STPG2: variants seen among roughly 807,000 people sequenced by gnomAD.
STPG2 encodes the protein sperm tail PG-rich repeat containing 2, also known as sperm-tail PG-rich repeat-containing protein 2.
In STPG2, 56 loss-of-function variants were observed where a neutral mutation model predicts 54.2. The ratio of observed to expected loss-of-function variants is 1.03; its 90% CI spans 0.83 to 1.29. STPG2 has a LOEUF of 1.29. Ranked by LOEUF, STPG2 falls within the 50% of genes most tolerant of loss-of-function variation. The pLI is 0.00. For missense variants in STPG2, 596 were observed against 544.9 expected (o/e 1.09, Z -0.93); for synonymous variants, 200 against 181.8 (o/e 1.10, Z -0.81).
intron 10 of STPG2, among the ~76,000 whole-genome samples, chr4:97,657,043 A>G (rs1378447003): frequency 6.6e-6 from 1 of 152,192 alleles, no homozygotes; most frequent in Non-Finnish European, 1.5e-5. Flanking sequence ...TGTCAAAGGA[A>G]CAAAATAATG....
At chr4:97,632,861 C>T (rs1276389913) in intron 10 of STPG2, among the ~76,000 whole-genome samples, 1 of 152,160 alleles carries the variant, frequency 6.6e-6, no homozygotes, top group Non-Finnish European at 1.5e-5. Context: ...AGCTTATTAA[C>T]ATGACCTCAG....
intron 9 of STPG2, among the ~76,000 whole-genome samples, chr4:97,779,226 G>A (rs486065): frequency 0.16 from 24,507 of 152,080 alleles, 2,143 homozygotes; most frequent in East Asian, 0.36. Context: ...CCAGTGTAGA[G>A]AAGTCCTTAA....
chr4:97,739,364 A>C (rs867829468), intron 9 of STPG2, among the ~76,000 whole-genome samples: 36 of 152,318 alleles, frequency 2.4e-4, no homozygotes, highest in South Asian at 4.1e-4. Flanking sequence ...AACTAAAATC[A>C]GAGCAGAACT....
chr4:97,478,196 C>T (rs922318373), intron 4 of STPG2, among the ~76,000 whole-genome samples: 1 of 152,010 alleles, frequency 6.6e-6, no homozygotes, highest in Non-Finnish European at 1.5e-5. Flanking sequence ...ATACACAAAG[C>T]AGAGTAAACA....
chr4:97,752,538 T>G (rs866947506), intron 9 of STPG2, among the ~76,000 whole-genome samples: 9 of 151,842 alleles, frequency 5.9e-5, no homozygotes, highest in Non-Finnish European at 1.2e-4. Flanking sequence ...ACCTCTCTGC[T>G]TTAGCACACA....
At chr4:97,582,137 T>G (rs1458920963) in intron 10 of STPG2, among the ~76,000 whole-genome samples, 2 of 152,010 alleles carry the variant, frequency 1.3e-5, no homozygotes, top group Admixed American at 6.6e-5. Context: ...ATCTCCTACT[T>G]CTGCTCTATG....
At chr4:97,906,488 AAG>A (rs1247979417) in intron 8 of STPG2, among the ~76,000 whole-genome samples, 80 of 152,340 alleles carry the variant, frequency 5.3e-4, no homozygotes, top group African/African-American at 1.9e-3. Flanking sequence ...TCAATAGAAA[AAG>A]AGAGAATCCT....
intron 9 of STPG2, among the ~76,000 whole-genome samples, chr4:97,736,194 A>G (rs1724983072): frequency 6.6e-6 from 1 of 152,214 alleles, no homozygotes; most frequent in Non-Finnish European, 1.5e-5. Context: ...CTGAATATAT[A>G]CCCAAAGAAA....
intron 8 of STPG2, among the ~76,000 whole-genome samples, chr4:97,860,925 A>G (rs1343024317): frequency 1.3e-5 from 2 of 152,218 alleles, no homozygotes; most frequent in South Asian, 2.1e-4. Flanking sequence ...TCTCCAGGAT[A>G]TTGGAATGGG....
chr4:98,031,998 A>G (rs1736614903), intron 5 of STPG2, among the ~76,000 whole-genome samples: 1 of 152,218 alleles, frequency 6.6e-6, no homozygotes, highest in Non-Finnish European at 1.5e-5. Context: ...AGAAATGCAA[A>G]TCAAAACCAC....
chr4:97,742,544 T>C (rs1725283479), intron 9 of STPG2, among the ~76,000 whole-genome samples: 1 of 143,092 alleles, frequency 7.0e-6, no homozygotes, highest in African/African-American at 2.6e-5. Context: ...TGTGTGTGTG[T>C]GTGTGTGTGT....
chr4:97,707,249 G>T (rs1308712755), intron 10 of STPG2, among the ~76,000 whole-genome samples: 1 of 152,138 alleles, frequency 6.6e-6, no homozygotes, highest in Non-Finnish European at 1.5e-5. Context: ...AGAGCTGGGT[G>T]CGGTGGCTTA....
intron 10 of STPG2, among the ~76,000 whole-genome samples, chr4:97,579,080 C>T (rs1443759181): frequency 2.0e-5 from 3 of 152,110 alleles, no homozygotes; most frequent in African/African-American, 4.8e-5. Flanking sequence ...AATAATCAAT[C>T]TTTAAATTGC....
At chr4:97,949,179 T>G (rs1364571692) in intron 7 of STPG2, among the ~76,000 whole-genome samples, 1 of 152,132 alleles carries the variant, frequency 6.6e-6, no homozygotes, top group Non-Finnish European at 1.5e-5. Flanking sequence ...TCTTTGTCAT[T>G]TTTTACTGCT....
At chr4:98,088,253 CATG>C (rs1738584978) in intron 5 of STPG2, among the ~76,000 whole-genome samples, 1 of 152,136 alleles carries the variant, frequency 6.6e-6, no homozygotes, top group Admixed American at 6.5e-5. Flanking sequence ...TTTAGTATTT[CATG>C]ATAAGAAGTA....
Position 97,914,587 on chromosome 4 carries a change from C to T in STPG2, c.1044+29310G>A, listed in dbSNP as rs570789269. 2.0e-5 allele frequency among the ~76,000 whole-genome samples: 3 copies of T among 152,254 alleles called. No homozygotes were observed. The South Asian group carries it at 6.2e-4, about 32-fold the overall frequency. ...AACATTGTACCATTAAACAATAACT[C>T]TCCATTCTCTCCTCCCCACTTGCAA... On this transcript the variant is annotated intron_variant, in intron 8 of 10. Coordinates refer to ENST00000295268, the MANE Select transcript of STPG2 (RefSeq NM_174952.3).
intron 10 of STPG2, among the ~76,000 whole-genome samples, chr4:97,640,992 T>C: frequency 1.3e-5 from 2 of 151,686 alleles, no homozygotes; most frequent in Middle Eastern, 6.8e-3. Flanking sequence ...AGTAATCTTA[T>C]AATGAATATA....
intron 5 of STPG2, chr4:98,025,290 T>C (rs769987822): frequency 1.3e-4 from 25 of 186,366 alleles, no homozygotes; most frequent in Non-Finnish European, 2.5e-4. Flanking sequence ...TGTTTCGTTG[T>C]TGTGTAAAAG....
intron 9 of STPG2, among the ~76,000 whole-genome samples, chr4:97,786,296 G>C (rs918400588): frequency 4.0e-5 from 6 of 151,148 alleles, no homozygotes; most frequent in African/African-American, 1.5e-4. Flanking sequence ...TGTATAACAT[G>C]GTATATCTCT....
Sources: gnomAD v4.1 joint callset for allele counts (sites outside exome capture counted in the v4.1 genomes callset) on GRCh38, gnomAD v4.1.1 for gene constraint, MANE v1.5 for transcripts, NCBI Gene and HGNC (gene_info 2026-07-23, HGNC 2026-07-21) for gene names.